FAT1: variants seen among roughly 807,000 people sequenced by gnomAD.
FAT1 encodes the protein FAT atypical cadherin 1, also known as protocadherin Fat 1.
A neutral mutation model predicts 329.8 loss-of-function variants in FAT1; 171 were observed. The observed-to-expected ratio is 0.52, with a 90% CI of 0.46 to 0.59. FAT1 has a LOEUF of 0.59. Ranked by LOEUF, FAT1 falls within the 20% of genes least tolerant of loss-of-function variation. The probability of loss-of-function intolerance (pLI) is 0.00; values close to 1 mark genes in which losing one functional copy is unlikely to be tolerated. For synonymous variants in FAT1, 2,233 were observed against 2,228.6 expected, an observed-to-expected ratio of 1.00 and a Z score of -0.06; for missense variants, 5,672 against 5,774.4, an observed-to-expected ratio of 0.98 and a Z score of 0.57.
At chr4:186,592,609 T>A (rs145014876) in intron 26 of FAT1, 1 of 443,124 alleles carries the variant, frequency 2.3e-6, no homozygotes, top group African/African-American at 2.0e-5. Flanking sequence ...TGTTTTTTCC[T>A]ACCATTGCAA....
chr4:186,627,810 G>A (rs1191111857), intron 9 of FAT1, among the ~76,000 whole-genome samples: 1 of 152,182 alleles, frequency 6.6e-6, no homozygotes, highest in Non-Finnish European at 1.5e-5. Context: ...AGCTTCCTAA[G>A]TGTGTTTAAT....
At chr4:186,682,625 C>T (rs1300285400) in intron 2 of FAT1, among the ~76,000 whole-genome samples, 1 of 149,104 alleles carries the variant, frequency 6.7e-6, no homozygotes, top group Non-Finnish European at 1.5e-5. Context: ...TGAAAGAAAA[C>T]AACTTTTAAT....
chr4:186,628,571 G>A lies in FAT1; in HGVS notation c.4516C>T (p.Arg1506Cys), dbSNP rs199516712. ...AGAGAGCCGGTTGCAGGATCAAGAC[G>A]AAATTTCTTGAGACTCAGTGGATCT... ...SRDPLSLKKF[R>C]LDPATGSLYT... Residue 1506 changes from arginine (R) to cysteine (C), a missense_variant, in exon 8 of 27, where the codon CGT (arginine) becomes TGT (cysteine). Coordinates refer to ENST00000441802, the MANE Select transcript of FAT1 (RefSeq NM_005245.4). 8.3e-4 allele frequency: 1,332 copies of A among 1,613,972 alleles called. No individual in the cohort carries two copies. Among genetic ancestry groups the A allele is most frequent in the Non-Finnish European group, 1.0e-3 (1,228 of 1,179,896 alleles).
intron 1 of FAT1, among the ~76,000 whole-genome samples, chr4:186,713,393 A>G (rs191934110): frequency 7.2e-5 from 11 of 152,214 alleles, no homozygotes; most frequent in Admixed American, 7.2e-4. Context: ...AAAGCCACAG[A>G]GGTAGAGTCG....
At chr4:186,659,136 G>C (rs747598058) in intron 3 of FAT1, among the ~76,000 whole-genome samples, 1 of 152,192 alleles carries the variant, frequency 6.6e-6, no homozygotes, top group Admixed American at 6.5e-5. Context: ...ACTGCCTGCA[G>C]TGTTCGGTAC....
At chr4:186,655,021 T>G (rs914045688) in intron 3 of FAT1, among the ~76,000 whole-genome samples, 3 of 152,180 alleles carry the variant, frequency 2.0e-5, no homozygotes, top group African/African-American at 7.2e-5. Context: ...TTAAGAAGAT[T>G]CACTATTTAT....
At chr4:186,610,419 T>A (rs1434723878) in intron 14 of FAT1, among the ~76,000 whole-genome samples, 2 of 151,692 alleles carry the variant, frequency 1.3e-5, no homozygotes, top group Non-Finnish European at 2.9e-5. Context: ...TTTAAAATAT[T>A]TTCCTTCTCA....
chr4:186,720,637 A>C (rs1745430708), intron 1 of FAT1, among the ~76,000 whole-genome samples: 1 of 152,158 alleles, frequency 6.6e-6, no homozygotes, highest in Admixed American at 6.5e-5. Flanking sequence ...TGGATCTCTT[A>C]TCACACTGGT....
intron 2 of FAT1, 120 bp downstream of exon 2, chr4:186,706,443 C>T: frequency 9.2e-7 from 1 of 1,090,508 alleles, no homozygotes; most frequent in Non-Finnish European, 1.3e-6. Flanking sequence ...TTCACACGCA[C>T]TTCTATACCG....
Position 186,595,693 on chromosome 4 carries a change from G to A in FAT1, c.13134C>T (p.Asp4378=). 1 of 1,613,942 alleles carries A rather than the reference G, an allele frequency of 6.2e-7. No homozygotes were observed. Among genetic ancestry groups the A allele is most frequent in the Non-Finnish European group, 8.5e-7 (1 of 1,179,868 alleles). Residue 4378 remains aspartate, a synonymous_variant, in exon 26 of 27, where the codon GAC becomes GAT. Transcript: ENST00000441802. Reference sequence around the variant, plus strand: ...TGCAGCACACTGCTGCCTCACCATTGTCATCGCACGATTCGGACTGGAAGG... The same window carrying A: ...TGCAGCACACTGCTGCCTCACCATTATCATCGCACGATTCGGACTGGAAGG... The part of the protein sequence containing the change: ...LSSFQSESCD[D]NGYHWDTSDW...
rs766538469 is a variant in FAT1 at position 186,707,477 on chromosome 4, G to A, written c.2351C>T (p.Thr784Ile). 3 of 1,614,028 alleles carry A rather than the reference G, an allele frequency of 1.9e-6. No homozygotes were observed. The highest frequency in any genetic ancestry group is 2.5e-6 in the Non-Finnish European group (3 of 1,179,902). Residue 784 changes from threonine to isoleucine, a missense_variant, in exon 2 of 27, where the codon ACA (threonine) becomes ATA (isoleucine). Physicochemically the swap from Thr to Ile is moderately conservative, Grantham distance 89. Transcript: ENST00000441802. ...LKILSPLDRE[T>I]TDKYTLNITV... ...AATATTCAGGGTGTATTTGTCTGTT[G>A]TTTCACGGTCAAGAGGAGATAAAAT...
At chr4:186,610,364 T>C (rs1024494881) in intron 14 of FAT1, among the ~76,000 whole-genome samples, 5 of 151,956 alleles carry the variant, frequency 3.3e-5, no homozygotes, top group Admixed American at 1.3e-4. Flanking sequence ...AATAAAAACG[T>C]AAAAATTCTA....
intron 2 of FAT1, among the ~76,000 whole-genome samples, chr4:186,669,773 T>C (rs1473218642): frequency 6.6e-6 from 1 of 152,222 alleles, no homozygotes; most frequent in Non-Finnish European, 1.5e-5. Flanking sequence ...GAAGGATTCA[T>C]TAATGTCCAC....
Position 186,707,412 on chromosome 4 carries a change from G to A in FAT1, c.2416C>T (p.Arg806Cys), listed in dbSNP as rs750719535. Residue 806 changes from arginine to cysteine, a missense_variant, in exon 2 of 27, where the codon CGT (arginine) becomes TGT (cysteine). Physicochemically the swap from Arg to Cys is radical, Grantham distance 180 (BLOSUM62 -3). Coordinates refer to ENST00000441802, the MANE Select transcript of FAT1 (RefSeq NM_005245.4). The stretch of plus-strand genomic sequence containing the variant: ...TCGACAACCACGACATGTAGAAGAC[G>A]CCACGCAGCCTTCTGGGGTATCCCA... ...DLGIPQKAAW[R>C]LLHVVVVDAN... 9 of 1,613,884 alleles carry A rather than the reference G, an allele frequency of 5.6e-6. No individual in the cohort carries two copies. Among genetic ancestry groups the A allele is most frequent in the Middle Eastern group, 1.6e-4 (1 of 6,084 alleles).
chr4:186,591,120 T>TG (rs1163434718), intron 26 of FAT1, among the ~76,000 whole-genome samples: 1 of 152,232 alleles, frequency 6.6e-6, no homozygotes, highest in East Asian at 1.9e-4. Context: ...GCCCAGGCCC[T>TG]GGCTAACCTT....
At chr4:186,683,708 G>C (rs1743331389) in intron 2 of FAT1, among the ~76,000 whole-genome samples, 1 of 151,908 alleles carries the variant, frequency 6.6e-6, no homozygotes, top group South Asian at 2.1e-4. Context: ...TCCTCCTAGG[G>C]TTCTAGACTA....
At position 186,618,862 on chromosome 4, in the gene FAT1, C is replaced by A. The variant is rs1739867667; in HGVS notation, c.7724G>T (p.Gly2575Val). The change falls in exon 10 of 27, where the codon GGA becomes GTA. Residue 2575 changes from glycine to valine, a missense_variant. This residue lies in a region of FAT1 where 3,966 missense variants were observed against 3,915.2 expected (regional missense o/e 1.01). Transcript: ENST00000441802. ...SVRLMAKDAG[G>V]KVAFCTVNVI... ...ATTCACGGTGCAGAAAGCAACTTTT[C>A]CTCCAGCATCCTTAGCCATTAAACG... 1 of 1,614,006 alleles carries A rather than the reference C, an allele frequency of 6.2e-7. No individual in the cohort carries two copies. Among genetic ancestry groups the A allele is most frequent in the Admixed American group, 1.7e-5 (1 of 60,024 alleles).
At position 186,707,375 on chromosome 4, in the gene FAT1, T is replaced by C. The variant is rs2126687992; in HGVS notation, c.2453A>G (p.Asn818Ser). ...LHVVVVDAND[N>S]PPEFLQESYF... is the part of the protein sequence containing the mutation. Reference sequence around the variant, plus strand: ...GCTCTCCTGTAAAAACTCGGGTGGATTATCATTGGCATCGACAACCACGAC... The same window carrying C: ...GCTCTCCTGTAAAAACTCGGGTGGACTATCATTGGCATCGACAACCACGAC... The change falls in exon 2 of 27, where the codon AAT (asparagine) becomes AGT (serine). Residue 818 changes from asparagine to serine, a missense_variant. Coordinates refer to ENST00000441802, the MANE Select transcript of FAT1 (RefSeq NM_005245.4). 1 of 1,613,966 alleles carries C rather than the reference T, an allele frequency of 6.2e-7. No homozygotes were observed. The highest frequency in any genetic ancestry group is 8.5e-7 in the Non-Finnish European group (1 of 1,179,878).
chr4:186,620,132 CA>C lies in FAT1; in HGVS notation c.6453del (p.Val2152LeufsTer24). ...FELDTLNKEYLVTVVAKDGGN... is the reference protein window; with the variant it reads ...FELDTLNKEYXVTVVAKDGGN... Reference sequence around the variant, plus strand: ...CCTCCATCTTTTGCAACCACTGTAACAAGATATTCTTTATTTAAGGTGTCAA... The same window carrying C: ...CCTCCATCTTTTGCAACCACTGTAACAGATATTCTTTATTTAAGGTGTCAA... On this transcript the variant is annotated frameshift_variant, in exon 10 of 27. Coordinates refer to ENST00000441802, the MANE Select transcript of FAT1 (RefSeq NM_005245.4). LOFTEE classifies it high-confidence loss of function. The C allele has an allele frequency of 6.2e-7, 1 of 1,613,978 alleles. No individual in the cohort carries two copies. The highest frequency in any genetic ancestry group is 8.5e-7 in the Non-Finnish European group (1 of 1,179,870).
Sources: allele counts gnomAD v4.1 joint callset (sites outside exome capture counted in the v4.1 genomes callset), GRCh38; gene constraint gnomAD v4.1.1; regional missense constraint gnomAD v4.1.1; transcripts MANE v1.5; gene names NCBI Gene and HGNC (gene_info 2026-07-23, HGNC 2026-07-21).